Variants in PPM1L observed in about 807,000 individuals in gnomAD.
PPM1L encodes the protein protein phosphatase 1L.
PPM1L carries 13 observed loss-of-function variants against 31.4 expected under a neutral mutation model. The ratio of observed to expected loss-of-function variants is 0.41; its 90% CI spans 0.27 to 0.66. The LOEUF (loss-of-function observed/expected upper bound fraction) is 0.66, where lower values mean the gene tolerates loss of function less well. PPM1L is among the 30% of genes least tolerant of loss of function. The probability of loss-of-function intolerance (pLI) is 0.29; values close to 1 mark genes in which losing one functional copy is unlikely to be tolerated. For synonymous variants in PPM1L, 184 were observed against 175.4 expected, an observed-to-expected ratio of 1.05 and a Z score of -0.39; for missense variants, 326 against 453.7, an observed-to-expected ratio of 0.72 and a Z score of 2.56.
Position 160,756,752 on chromosome 3 carries a change from C to CGTGTGTGTGTGTGTGTGTGTGTGTGT in PPM1L, c.399+58_399+83dup. ...TTTGTATTTGTGTCCGTGTATGTCT[C>CGTGTGTGTGTGTGTGTGTGTGTGTGT]GTGTGTGTGTGTGTGTGTGTGTGTG... is the stretch of plus-strand genomic sequence containing the variant. On this transcript the variant is annotated intron_variant, in intron 1 of 3. Coordinates refer to ENST00000498165, the MANE Select transcript of PPM1L (RefSeq NM_139245.4). This position sits in a 1 kb window ranked among gnomAD's most constrained non-coding sequence, Gnocchi z 6.2. 9.8e-7 allele frequency: 1 copy of CGTGTGTGTGTGTGTGTGTGTGTGTGT among 1,015,432 alleles called. No homozygotes were observed. Among genetic ancestry groups the CGTGTGTGTGTGTGTGTGTGTGTGTGT allele is most frequent in the East Asian group, 2.6e-5 (1 of 37,900 alleles). 62.9% of individuals were successfully genotyped at this position (1,015,432 alleles called of 1,614,324 possible). A position where few individuals can be genotyped will look rare whatever the true frequency, so the allele number is the denominator to read the frequency against.
intron 1 of PPM1L, among the ~76,000 whole-genome samples, chr3:160,789,758 G>A (rs896965102): frequency 1.8e-4 from 28 of 151,718 alleles, no homozygotes; most frequent in African/African-American, 6.5e-4. Context: ...AATTACATTG[G>A]TAGATCTTCT....
chr3:160,975,975 G>GT (rs1418477481), intron 2 of PPM1L, among the ~76,000 whole-genome samples: 1 of 146,748 alleles, frequency 6.8e-6, no homozygotes, highest in East Asian at 2.0e-4. Flanking sequence ...AATGCTTCCA[G>GT]TTTTTGCCCA....
chr3:160,998,819 C>G (rs2108049945), intron 2 of PPM1L, among the ~76,000 whole-genome samples: 1 of 152,184 alleles, frequency 6.6e-6, no homozygotes, highest in Non-Finnish European at 1.5e-5. Context: ...CTGGTAAACC[C>G]AGAACTGAGG....
intron 1 of PPM1L, among the ~76,000 whole-genome samples, chr3:160,797,588 A>G (rs1156589468): frequency 2.6e-5 from 4 of 152,242 alleles, no homozygotes; most frequent in Admixed American, 2.0e-4. Flanking sequence ...CAGACAGCCA[A>G]GTTGTGAATG....
intron 2 of PPM1L, among the ~76,000 whole-genome samples, chr3:161,019,990 G>A (rs978184028): frequency 2.6e-5 from 4 of 152,020 alleles, no homozygotes; most frequent in African/African-American, 9.7e-5. Context: ...CCTGAGTGTG[G>A]TGGCGTGTGC....
At chr3:160,778,572 C>G (rs1711635896) in intron 1 of PPM1L, among the ~76,000 whole-genome samples, 1 of 152,142 alleles carries the variant, frequency 6.6e-6, no homozygotes, top group South Asian at 2.1e-4. Flanking sequence ...GTTCATGAAG[C>G]AGCAAGTACA....
At chr3:160,883,630 G>T (rs1712799974) in intron 1 of PPM1L, among the ~76,000 whole-genome samples, 1 of 152,032 alleles carries the variant, frequency 6.6e-6, no homozygotes, top group East Asian at 1.9e-4. Context: ...TCCAGTAGGA[G>T]ATGACTTAGG....
intron 1 of PPM1L, among the ~76,000 whole-genome samples, chr3:160,902,152 CTGTT>C (rs1206386535): frequency 6.6e-6 from 1 of 151,998 alleles, no homozygotes; most frequent in Admixed American, 6.6e-5. Flanking sequence ...AAGCATTTTT[CTGTT>C]TGTGTGTGTG....
At chr3:160,944,763 ATAACATGT>A (rs1265056149) in intron 1 of PPM1L, among the ~76,000 whole-genome samples, 1 of 61,816 alleles carries the variant, frequency 1.6e-5, no homozygotes, top group South Asian at 3.7e-4. Flanking sequence ...TATGTTATAT[ATAACATGT>A]TATATATTAT....
intron 2 of PPM1L, among the ~76,000 whole-genome samples, chr3:160,997,327 G>T (rs1717353668): frequency 6.6e-6 from 1 of 152,184 alleles, no homozygotes; most frequent in Non-Finnish European, 1.5e-5. Flanking sequence ...AAAGGAGCTG[G>T]ATATGTGCGG....
chr3:160,848,780 C>A (rs963799080), intron 1 of PPM1L, among the ~76,000 whole-genome samples: 1 of 152,230 alleles, frequency 6.6e-6, no homozygotes, highest in Non-Finnish European at 1.5e-5. Context: ...TGAAATTCCC[C>A]TTCTTTCCTG....
intron 2 of PPM1L, among the ~76,000 whole-genome samples, chr3:160,977,880 A>G (rs1454686378): frequency 2.6e-5 from 4 of 152,194 alleles, no homozygotes; most frequent in African/African-American, 9.6e-5. Flanking sequence ...TTTTCAGTGG[A>G]GACAACTTCT....
chr3:160,944,897 CTG>C (rs1316826328), intron 1 of PPM1L, among the ~76,000 whole-genome samples: 1 of 37,314 alleles, frequency 2.7e-5, no homozygotes, highest in African/African-American at 8.8e-5. Flanking sequence ...TTATATATAA[CTG>C]ATGTTACATA....
chr3:160,864,293 C>T (rs755209864), intron 1 of PPM1L, among the ~76,000 whole-genome samples: 48 of 152,122 alleles, frequency 3.2e-4, no homozygotes, highest in Non-Finnish European at 5.6e-4. Flanking sequence ...GGTGATCCCC[C>T]GCTGACCTCA....
intron 2 of PPM1L, among the ~76,000 whole-genome samples, chr3:161,001,315 C>G (rs964153532): frequency 6.6e-6 from 1 of 152,150 alleles, no homozygotes; most frequent in Non-Finnish European, 1.5e-5. Context: ...GAGAGTCTCA[C>G]TCTGTCGCCA....
intron 2 of PPM1L, among the ~76,000 whole-genome samples, chr3:160,973,795 A>ATTTTTTTTTTTTTTTT (rs1716447067): frequency 1.6e-5 from 1 of 64,224 alleles, no homozygotes; most frequent in Non-Finnish European, 4.4e-5. Context: ...TTTTTTTTTA[A>ATTTTTTTTTTTTTTTT]CCAAGACTTG....
At chr3:160,927,911 T>C (rs1403520225) in intron 1 of PPM1L, among the ~76,000 whole-genome samples, 1 of 152,082 alleles carries the variant, frequency 6.6e-6, no homozygotes, top group African/African-American at 2.4e-5. Flanking sequence ...TAAATGTGTA[T>C]TGAATGAATT....
At chr3:160,868,081 T>C (rs1239434788) in intron 1 of PPM1L, among the ~76,000 whole-genome samples, 4 of 152,204 alleles carry the variant, frequency 2.6e-5, no homozygotes, top group Admixed American at 6.5e-5. Flanking sequence ...TAGACTGATA[T>C]TGTAGAATGG....
chr3:161,007,580 A>G (rs532882680), intron 2 of PPM1L, among the ~76,000 whole-genome samples: 9 of 152,376 alleles, frequency 5.9e-5, no homozygotes, highest in African/African-American at 2.2e-4. Context: ...CATGCAGCCC[A>G]GGACAGCTTT....
Sources: gnomAD v4.1 joint callset for allele counts (sites outside exome capture counted in the v4.1 genomes callset) on GRCh38, gnomAD v4.1.1 for gene constraint, Gnocchi (gnomAD v3.1) non-coding constraint, MANE v1.5 for transcripts, NCBI Gene and HGNC (gene_info 2026-07-23, HGNC 2026-07-21) for gene names.